BNC2: variants seen among roughly 807,000 people sequenced by gnomAD.
BNC2 encodes basonuclin zinc finger protein 2.
Under a neutral mutation model 76.3 loss-of-function variants are expected in BNC2, and 20 were observed. That is an observed-to-expected ratio of 0.26 (90% CI 0.18 to 0.38). The LOEUF (loss-of-function observed/expected upper bound fraction) is 0.38. Ranked by LOEUF, BNC2 falls within the 10% of genes least tolerant of loss-of-function variation. BNC2 has a pLI of 1.00. For synonymous variants in BNC2, 582 were observed against 514.8 expected (o/e 1.13, Z -1.77); for missense variants, 1,382 against 1,399.8 (o/e 0.99, Z 0.20).
chr9:16,841,185 G>A (rs150006437), intron 1 of BNC2, among the ~76,000 whole-genome samples: 57 of 152,290 alleles, frequency 3.7e-4, no homozygotes, highest in African/African-American at 1.3e-3. Flanking sequence ...ATGAGTTTTT[G>A]TTTGTCAGGC....
intron 3 of BNC2, among the ~76,000 whole-genome samples, chr9:16,647,195 A>G (rs2133910486): frequency 6.6e-6 from 1 of 152,270 alleles, no homozygotes; most frequent in East Asian, 1.9e-4. Context: ...ATTTGGGCAC[A>G]GCACATGTTC....
chr9:16,614,535 T>C (rs10738443), intron 3 of BNC2, among the ~76,000 whole-genome samples: 133,512 of 151,858 alleles, frequency 0.88, 59,628 homozygotes, highest in East Asian at 0.98. Context: ...AAATGCACCT[T>C]TTCTCTAAAT....
At chr9:16,694,477 T>A (rs891397993) in intron 3 of BNC2, among the ~76,000 whole-genome samples, 7 of 152,152 alleles carry the variant, frequency 4.6e-5, no homozygotes, top group African/African-American at 1.7e-4. Flanking sequence ...GACTAGCACC[T>A]TGGCCCATTT....
At chr9:16,458,008 G>C (rs964472831) in intron 5 of BNC2, among the ~76,000 whole-genome samples, 2 of 152,154 alleles carry the variant, frequency 1.3e-5, no homozygotes, top group Non-Finnish European at 2.9e-5. Flanking sequence ...GGAATGGGTG[G>C]GTAGGTGGGA....
At chr9:16,451,815 AT>A (rs1438659008) in intron 5 of BNC2, among the ~76,000 whole-genome samples, 1 of 152,042 alleles carries the variant, frequency 6.6e-6, no homozygotes, top group Admixed American at 6.6e-5. Context: ...AGGTCTCTTT[AT>A]TTCAGGTTTA....
chr9:16,673,402 A>G (rs1165686065), intron 3 of BNC2, among the ~76,000 whole-genome samples: 1 of 74,842 alleles, frequency 1.3e-5, no homozygotes. Context: ...TTCAAAAAGA[A>G]TAAACTCCCA....
chr9:16,680,724 C>A (rs1238827252), intron 3 of BNC2, among the ~76,000 whole-genome samples: 4 of 151,046 alleles, frequency 2.6e-5, no homozygotes, highest in African/African-American at 9.8e-5. Context: ...TATTTTCAAA[C>A]TGAGATGAGA....
chr9:16,522,039 T>C (rs1384430532), intron 5 of BNC2, among the ~76,000 whole-genome samples: 1 of 152,138 alleles, frequency 6.6e-6, no homozygotes, highest in African/African-American at 2.4e-5. Context: ...GCCCAGCACA[T>C]TCCTCTGCTT....
rs537649493 is a variant in BNC2, at chr9:16,808,229, T to C, written c.3+62417A>G. On this transcript the variant is annotated intron_variant, in intron 1 of 6. Transcript: ENST00000380672. ...ATGAACAATAAGAAATACACACTAATAGAATACTGACAGCAAATTATCTTT... is the reference window on the plus strand; with the variant it reads ...ATGAACAATAAGAAATACACACTAACAGAATACTGACAGCAAATTATCTTT... Among the ~76,000 whole-genome samples the C allele has an allele frequency of 7.9e-5, 12 of 152,288 alleles. No homozygotes were observed. In the South Asian group the frequency reaches 2.5e-3, roughly 32 times the overall value.
chr9:16,814,201 T>C (rs1818125809), intron 1 of BNC2, among the ~76,000 whole-genome samples: 1 of 152,246 alleles, frequency 6.6e-6, no homozygotes, highest in Non-Finnish European at 1.5e-5. Context: ...ATAAATGTTT[T>C]TGCCTTGTCT....
At chr9:16,645,580 C>G (rs1443957967) in intron 3 of BNC2, among the ~76,000 whole-genome samples, 1 of 152,150 alleles carries the variant, frequency 6.6e-6, no homozygotes, top group Non-Finnish European at 1.5e-5. Context: ...GTTGGTGGGA[C>G]TGGATGTCAG....
In BNC2 at chr9:16,441,175, G is replaced by A. The variant is rs7025287; in HGVS notation, c.670-3651C>T. On this transcript the variant is annotated intron_variant, in intron 5 of 6. Transcript: ENST00000380672. ...AAAAACTAGCCAAGTGTGGTGGTCC[G>A]TGCCTATAGTCCTAGCTACTTGGGA... Among the ~76,000 whole-genome samples the A allele has an allele frequency of 4.2e-3, 637 of 152,250 alleles. 1 individual carries two copies. The highest frequency in any genetic ancestry group is 0.02 in the Middle Eastern group (6 of 294).
intron 3 of BNC2, among the ~76,000 whole-genome samples, chr9:16,718,925 G>C (rs1190807217): frequency 6.6e-6 from 1 of 152,058 alleles, no homozygotes; most frequent in Non-Finnish European, 1.5e-5. Context: ...ACCATAATGT[G>C]GCAATATGGG....
intron 5 of BNC2, among the ~76,000 whole-genome samples, chr9:16,475,741 A>G (rs1821914839): frequency 6.6e-6 from 1 of 152,224 alleles, no homozygotes; most frequent in South Asian, 2.1e-4. Flanking sequence ...AGTATGCTAC[A>G]GAAGGAGCAG....
At chr9:16,578,641 G>C (rs1397793486) in intron 4 of BNC2, among the ~76,000 whole-genome samples, 3 of 147,742 alleles carry the variant, frequency 2.0e-5, no homozygotes, top group Admixed American at 2.0e-4. Flanking sequence ...GGAGGCAAAG[G>C]GTAAAAAGAA....
rs904392954 is a variant in BNC2 at position 16,601,276 on chromosome 9, C to T, written c.331-18191G>A. Among the ~76,000 whole-genome samples, 71 of 152,248 alleles carry T rather than the reference C, an allele frequency of 4.7e-4. 1 individual carries two copies. Among genetic ancestry groups the T allele is most frequent in the Admixed American group, 4.5e-3 (69 of 15,286 alleles). On this transcript the variant is annotated intron_variant, in intron 3 of 6. Transcript: ENST00000380672. ...CAACTTCCAGTCCACTTGCACAACC[C>T]GAGAAGAAGTGCCTCCTCAAATTTT...
At chr9:16,811,951 G>A (rs938934491) in intron 1 of BNC2, among the ~76,000 whole-genome samples, 1 of 152,194 alleles carries the variant, frequency 6.6e-6, no homozygotes, top group South Asian at 2.1e-4. Flanking sequence ...CTTTAGGGAG[G>A]TGTGAAAAAG....
At chr9:16,727,068 G>C (rs997746986) in intron 3 of BNC2, 3 of 152,380 alleles carry the variant, frequency 2.0e-5, no homozygotes, top group South Asian at 2.1e-4. Flanking sequence ...GGCCGGGACG[G>C]AGGAGCGGCT....
chr9:16,697,813 G>C (rs544329626), intron 3 of BNC2, among the ~76,000 whole-genome samples: 1 of 152,098 alleles, frequency 6.6e-6, no homozygotes, highest in African/African-American at 2.4e-5. Flanking sequence ...AGTAGGAGCT[G>C]GTATGAGAAG....
Sources: gnomAD v4.1 joint callset for allele counts (sites outside exome capture counted in the v4.1 genomes callset) on GRCh38, gnomAD v4.1.1 for gene constraint, MANE v1.5 for transcripts, NCBI Gene and HGNC (gene_info 2026-07-23, HGNC 2026-07-21) for gene names.